Variants in AKAP13 observed in about 807,000 individuals in gnomAD.
AKAP13 encodes the protein A-kinase anchor protein 13.
In AKAP13, 80 loss-of-function variants were observed where a neutral mutation model predicts 264.5. That is an observed-to-expected ratio of 0.30 (90% CI 0.25 to 0.36). AKAP13 has a LOEUF of 0.36. Among genes scored for constraint, AKAP13 ranks in the 10% least tolerant of loss-of-function variants. AKAP13 has a pLI of 1.00. For missense variants in AKAP13, 3,712 were observed against 3,435.2 expected, an observed-to-expected ratio of 1.08 and a Z score of -2.01; for synonymous variants, 1,380 against 1,250.2, an observed-to-expected ratio of 1.10 and a Z score of -2.19.
At chr15:85,421,837 T>C (rs2072538772) in intron 1 of AKAP13, among the ~76,000 whole-genome samples, 1 of 152,258 alleles carries the variant, frequency 6.6e-6, no homozygotes, top group Non-Finnish European at 1.5e-5. Context: ...TCGGTGTGTA[T>C]GCATTGTTAA....
chr15:85,508,051 G>GT (rs2151111793), intron 2 of AKAP13, among the ~76,000 whole-genome samples: 1 of 152,130 alleles, frequency 6.6e-6, no homozygotes, highest in South Asian at 2.1e-4. Flanking sequence ...TTACAGATGG[G>GT]TTTCAGCAAG....
chr15:85,585,211 G>A (rs1224354650), intron 7 of AKAP13, among the ~76,000 whole-genome samples: 1 of 152,144 alleles, frequency 6.6e-6, no homozygotes, highest in African/African-American at 2.4e-5. Flanking sequence ...GTGATGGGTG[G>A]ATCAGAGTGT....
chr15:85,623,513 C>T (rs1389682640), intron 8 of AKAP13, among the ~76,000 whole-genome samples: 11 of 152,158 alleles, frequency 7.2e-5, no homozygotes, highest in African/African-American at 2.4e-5. Flanking sequence ...CTGCATTCTG[C>T]CCTGCTTCCT....
At chr15:85,704,434 A>G (rs1361548917) in intron 17 of AKAP13, among the ~76,000 whole-genome samples, 1 of 152,160 alleles carries the variant, frequency 6.6e-6, no homozygotes, top group African/African-American at 2.4e-5. Flanking sequence ...TTCGCCAAAG[A>G]TCTGTGGTGG....
intron 1 of AKAP13, among the ~76,000 whole-genome samples, chr15:85,383,788 G>T (rs2070413230): frequency 6.6e-6 from 1 of 152,198 alleles, no homozygotes; most frequent in African/African-American, 2.4e-5. Flanking sequence ...AGTCATAAGA[G>T]GATATGAGTT....
intron 8 of AKAP13, among the ~76,000 whole-genome samples, chr15:85,629,889 C>T (rs2081623794): frequency 6.6e-6 from 1 of 150,410 alleles, no homozygotes; most frequent in South Asian, 2.1e-4. Flanking sequence ...AAGCCAGCCT[C>T]CCACCTCAGC....
chr15:85,446,141 A>G (rs1303092641), intron 1 of AKAP13, among the ~76,000 whole-genome samples: 1 of 152,242 alleles, frequency 6.6e-6, no homozygotes, highest in Non-Finnish European at 1.5e-5. Flanking sequence ...TTTAATGTGA[A>G]GAAAGCAAGA....
At chr15:85,464,943 CT>C (rs934968798) in intron 1 of AKAP13, among the ~76,000 whole-genome samples, 1 of 151,838 alleles carries the variant, frequency 6.6e-6, no homozygotes, top group African/African-American at 2.4e-5. Flanking sequence ...GCATTAATTA[CT>C]TTTTTTATTT....
chr15:85,537,522 C>T (rs2077441062), intron 4 of AKAP13, among the ~76,000 whole-genome samples: 1 of 152,334 alleles, frequency 6.6e-6, no homozygotes, highest in African/African-American at 2.4e-5. Flanking sequence ...GGAAATTGCT[C>T]AGATTTCTCC....
intron 1 of AKAP13, among the ~76,000 whole-genome samples, chr15:85,424,085 A>G (rs1333096810): frequency 1.2e-4 from 18 of 152,160 alleles, no homozygotes; most frequent in Admixed American, 1.2e-3. Flanking sequence ...TGGGCTCTAG[A>G]ATTTTTAGAA....
chr15:85,670,022 A>G (rs1377334213), intron 14 of AKAP13, among the ~76,000 whole-genome samples, 192 bp downstream of exon 14: 2 of 152,196 alleles, frequency 1.3e-5, no homozygotes, highest in Non-Finnish European at 2.9e-5. Context: ...TTTTACCTAA[A>G]AATATCCCTA....
chr15:85,656,322 T>G (rs1457205651), intron 11 of AKAP13, among the ~76,000 whole-genome samples: 1 of 152,248 alleles, frequency 6.6e-6, no homozygotes, highest in Admixed American at 6.5e-5. Context: ...CTCATTACAT[T>G]CATTTTACAT....
At chr15:85,469,111 C>T (rs1332088902) in intron 1 of AKAP13, among the ~76,000 whole-genome samples, 1 of 138,740 alleles carries the variant, frequency 7.2e-6, no homozygotes, top group Admixed American at 7.9e-5. Context: ...GATGGAATTT[C>T]ACCATGTCAG....
intron 8 of AKAP13, chr15:85,635,123 A>G (rs745838096): frequency 1.0e-5 from 4 of 398,170 alleles, no homozygotes; most frequent in East Asian, 3.6e-5. Context: ...TATGTTTGAC[A>G]TTATGAAAAA....
intron 8 of AKAP13, among the ~76,000 whole-genome samples, chr15:85,633,782 G>T (rs1444863004): frequency 6.6e-6 from 1 of 151,674 alleles, no homozygotes; most frequent in Non-Finnish European, 1.5e-5. Flanking sequence ...CTGACCTCGT[G>T]ATCTGCCCAC....
rs549089793 is a variant in AKAP13, at chr15:85,419,184, T to G, written c.-12+38386T>G. On this transcript the variant is annotated intron_variant, in intron 1 of 36. Coordinates refer to ENST00000394518, the MANE Select transcript of AKAP13 (RefSeq NM_007200.5). The stretch of plus-strand genomic sequence containing the variant: ...CTTTGTATCATATCATCATAGGATT[T>G]GTAAAATTTTCAAACTTCTTTGCAA... Among the ~76,000 whole-genome samples the G allele has an allele frequency of 2.1e-3, 327 of 152,368 alleles. 1 individual carries two copies. The highest frequency in any genetic ancestry group is 0.011 in the South Asian group (55 of 4,830).
At chr15:85,550,699 G>A (rs996550543) in intron 5 of AKAP13, among the ~76,000 whole-genome samples, 1 of 152,198 alleles carries the variant, frequency 6.6e-6, no homozygotes, top group Non-Finnish European at 1.5e-5. Flanking sequence ...TGAAACAAAT[G>A]TACAGACATA....
At chr15:85,732,588 T>G (rs920073276) in intron 30 of AKAP13, among the ~76,000 whole-genome samples, 1 of 150,626 alleles carries the variant, frequency 6.6e-6, no homozygotes, top group Admixed American at 6.7e-5. Context: ...CTACAGTGTT[T>G]GTTTTTTTAA....
chr15:85,499,571 C>T (rs895540274), intron 2 of AKAP13, among the ~76,000 whole-genome samples: 2 of 152,180 alleles, frequency 1.3e-5, no homozygotes, highest in Non-Finnish European at 2.9e-5. Flanking sequence ...TTCAGGTAAA[C>T]CAATTCCAAC....
Sources: gnomAD v4.1 joint callset for allele counts (sites outside exome capture counted in the v4.1 genomes callset) on GRCh38, gnomAD v4.1.1 for gene constraint, MANE v1.5 for transcripts, NCBI Gene and HGNC (gene_info 2026-07-23, HGNC 2026-07-21) for gene names.